NOL7: variants seen among roughly 807,000 people sequenced by gnomAD.
The protein encoded by NOL7 is U3 small nucleolar RNA-associated protein NOL7.
NOL7 carries 36 observed loss-of-function variants against 38.4 expected under a neutral mutation model. The observed-to-expected ratio is 0.94, with a 90% confidence interval of 0.72 to 1.24. The LOEUF (loss-of-function observed/expected upper bound fraction) is 1.24, where lower values mean the gene tolerates loss of function less well. Ranked by LOEUF, NOL7 falls within the 50% of genes most tolerant of loss-of-function variation. The pLI, the probability that NOL7 is intolerant of heterozygous loss-of-function variation, is 0.00. For synonymous variants in NOL7, 142 were observed against 126.5 expected, an observed-to-expected ratio of 1.12 and a Z score of -0.82; for missense variants, 350 against 315.1, an observed-to-expected ratio of 1.11 and a Z score of -0.84.
chr6:13,620,704 T>C (rs767045801), intron 7 of NOL7, 50 bp from the exon 8 acceptor site: 5 of 1,300,850 alleles, frequency 3.8e-6, no homozygotes, highest in Admixed American at 2.3e-5. Context: ...TAAAAAAATT[T>C]TGAATTATGT....
chr6:13,629,927 T>TC (rs1275995460), intron 8 of NOL7, among the ~76,000 whole-genome samples: 1 of 151,512 alleles, frequency 6.6e-6, no homozygotes, highest in Non-Finnish European at 1.5e-5. Context: ...CTCTCGTGTG[T>TC]GTGTGTGTGT....
chr6:13,629,899 C>T (rs1045967928), intron 8 of NOL7, among the ~76,000 whole-genome samples: 1 of 114,120 alleles, frequency 8.8e-6, no homozygotes, highest in South Asian at 3.3e-4. Context: ...GTCTCTGTCT[C>T]TCTCTCTCTC....
In NOL7 at chr6:13,616,541, A is replaced by G. The variant is rs914325380; in HGVS notation, c.386+20A>G. 2 of 1,542,864 alleles carry G rather than the reference A, an allele frequency of 1.3e-6. No homozygotes were observed. Among genetic ancestry groups the G allele is most frequent in the Non-Finnish European group, 8.9e-7 (1 of 1,121,254 alleles). On this transcript the variant is annotated intron_variant, in intron 3 of 7. Coordinates refer to ENST00000451315, the MANE Select transcript of NOL7 (RefSeq NM_016167.5). ...GACTAAGTAAGTAATGGATCTTTTTATATTACTTGCTTATATACACCCATC... is the reference window on the plus strand; with the variant it reads ...GACTAAGTAAGTAATGGATCTTTTTGTATTACTTGCTTATATACACCCATC...
At chr6:13,618,799 G>T (rs1764356308) in intron 5 of NOL7, among the ~76,000 whole-genome samples, 2 of 152,164 alleles carry the variant, frequency 1.3e-5, no homozygotes, top group South Asian at 4.1e-4. Flanking sequence ...GCCAAGGTGG[G>T]AGGATCACTT....
intron 8 of NOL7, among the ~76,000 whole-genome samples, chr6:13,629,836 G>T (rs751081036): frequency 6.6e-5 from 10 of 152,048 alleles, no homozygotes; most frequent in Non-Finnish European, 1.3e-4. Flanking sequence ...AAGAGAAACA[G>T]TGTGCCACCT....
chr6:13,615,769 G>T lies in NOL7; in HGVS notation c.324G>T (p.Gln108His). ...RKRREELFIE[Q>H]KKRKLLPDTI... Reference sequence around the variant, plus strand: ...GACGCGAGGAGCTGTTCATCGAACAGAAGGTTAGAGGCTAGGGAGGAGGTG... The same window carrying T: ...GACGCGAGGAGCTGTTCATCGAACATAAGGTTAGAGGCTAGGGAGGAGGTG... The change falls in exon 2 of 8, where the codon CAG (glutamine) becomes CAT (histidine). Residue 108 changes from glutamine (Q) to histidine (H), a missense_variant. By Grantham distance (24) the Gln-to-His change is conservative (BLOSUM62 0). Coordinates refer to ENST00000451315, the MANE Select transcript of NOL7 (RefSeq NM_016167.5). 1 of 1,613,160 alleles carries T rather than the reference G, an allele frequency of 6.2e-7. No homozygotes were observed. Among genetic ancestry groups the T allele is most frequent in the Non-Finnish European group, 8.5e-7 (1 of 1,179,598 alleles).
At chr6:13,623,647 G>T (rs1465748679), downstream of NOL7, among the ~76,000 whole-genome samples, 4 of 152,154 alleles carry the variant, frequency 2.6e-5, no homozygotes, top group Non-Finnish European at 2.9e-5. Context: ...ATCTGGCGAT[G>T]CATCTTTAAC....
intron 8 of NOL7, chr6:13,632,253 G>C: frequency 2.3e-6 from 2 of 870,982 alleles, no homozygotes; most frequent in Admixed American, 3.3e-5. Context: ...GGAGCCAGGG[G>C]GAAGGTCAGG....
chr6:13,620,555 A>G, intron 7 of NOL7, 70 bp downstream of exon 7: 1 of 1,441,732 alleles, frequency 6.9e-7, no homozygotes, highest in South Asian at 1.2e-5. Flanking sequence ...TGAAGGAGAT[A>G]GTTCATAATT....
chr6:13,617,982 T>A, intron 4 of NOL7, 76 bp from the exon 5 acceptor site: 1 of 1,003,992 alleles, frequency 1.0e-6, no homozygotes, highest in South Asian at 1.3e-5. Context: ...TAGTGGATGC[T>A]TAAAGTGAAC....
chr6:13,615,989 TCACACCA>T lies in NOL7; in HGVS notation c.327+219_327+225del, dbSNP rs1199936736. Reference sequence around the variant, plus strand: ...ATGTCGAGGCTGCCTGGAGCCGAGATCACACCACTGCGCTCCAGCCTGGGCGACAGAG... The same window carrying T: ...ATGTCGAGGCTGCCTGGAGCCGAGATCTGCGCTCCAGCCTGGGCGACAGAG... On this transcript the variant is annotated intron_variant, in intron 2 of 7. Transcript: ENST00000451315. Among the ~76,000 whole-genome samples the T allele has an allele frequency of 1.3e-4, 20 of 150,792 alleles. No homozygotes were observed. The East Asian group carries it at 3.9e-3, about 30-fold the overall frequency.
In NOL7 at chr6:13,615,621, G is replaced by T. The variant is rs540079238; in HGVS notation, c.263G>T (p.Arg88Leu). 41 of 1,601,376 alleles carry T rather than the reference G, an allele frequency of 2.6e-5. No homozygotes were observed. The South Asian group carries it at 4.3e-4, about 17-fold the overall frequency. ...GAGCGGCGAGTGCGGGAGACCGTGC[G>T]CAGGTTCGGAGCCCGCTGCCCGGCG... ...EEERRVRETVRRDKTLLKEKR... is the reference protein window; with the variant it reads ...EEERRVRETVLRDKTLLKEKR... The change falls in exon 1 of 8, where the codon CGC becomes CTC. Residue 88 changes from arginine to leucine, a missense_variant. Transcript: ENST00000451315.
intron 3 of NOL7, 135 bp from the exon 4 acceptor site, chr6:13,617,635 G>A: frequency 1.3e-6 from 1 of 743,642 alleles, no homozygotes; most frequent in Non-Finnish European, 2.3e-6. Context: ...AAACTGATGA[G>A]AGCTCCTGAG....
At chr6:13,620,597 TAA>T (rs1303917503) in intron 7 of NOL7, 112 bp downstream of exon 7, 17 of 1,149,302 alleles carry the variant, frequency 1.5e-5, no homozygotes, top group East Asian at 5.0e-5. Flanking sequence ...GCTTATATAT[TAA>T]GTTACTTGTG....
chr6:13,626,043 A>G (rs1468381671), downstream of NOL7, among the ~76,000 whole-genome samples: 1 of 152,244 alleles, frequency 6.6e-6, no homozygotes, highest in Non-Finnish European at 1.5e-5. Context: ...AAAGGAATGA[A>G]CTAGTACTGG....
intron 2 of NOL7, 86 bp downstream of exon 2, chr6:13,615,858 T>A: frequency 7.5e-7 from 1 of 1,340,456 alleles, no homozygotes; most frequent in Non-Finnish European, 1.0e-6. Flanking sequence ...GTTGGCAGGA[T>A]ATTGGAGTGG....
intron 5 of NOL7, among the ~76,000 whole-genome samples, chr6:13,619,084 C>T (rs1249389514): frequency 1.3e-5 from 2 of 152,196 alleles, no homozygotes. Context: ...AACTTGCCAG[C>T]CTACTCTTAT....
chr6:13,618,995 T>C (rs1170081378), intron 5 of NOL7, among the ~76,000 whole-genome samples: 3 of 152,248 alleles, frequency 2.0e-5, no homozygotes, highest in African/African-American at 7.2e-5. Flanking sequence ...GGTTTTATTA[T>C]TGAGAAAATT....
rs781355359 is a variant in NOL7 at position 13,620,786 on chromosome 6, A to T, written c.733A>T (p.Lys245Ter). ...AAAAAAACAAAATGCCAAGAGGTTT[A>T]AAAGACGGTGGATGGTCAGAAAGAT... ...IQKKQNAKRFKRRWMVRKMKT... is the reference protein window; with the variant it reads ...IQKKQNAKRF The change falls in exon 8 of 8, where the codon AAA (lysine) becomes TAA (stop). Residue 245 changes from lysine to a stop codon, truncating the protein, a stop_gained. Coordinates refer to ENST00000451315, the MANE Select transcript of NOL7 (RefSeq NM_016167.5). LOFTEE classifies it high-confidence loss of function. 1.9e-6 allele frequency: 3 copies of T among 1,604,866 alleles called. No homozygotes were observed. The highest frequency in any genetic ancestry group is 1.7e-4 in the Middle Eastern group (1 of 6,044).
Sources: allele counts gnomAD v4.1 joint callset (sites outside exome capture counted in the v4.1 genomes callset), GRCh38; gene constraint gnomAD v4.1.1; transcripts MANE v1.5; gene names NCBI Gene and HGNC (gene_info 2026-07-23, HGNC 2026-07-21).